GPR39: variants seen among roughly 807,000 people sequenced by gnomAD.
GPR39 encodes G protein-coupled receptor 39.
Under a neutral mutation model 18.4 loss-of-function variants are expected in GPR39, and 23 were observed. The observed-to-expected ratio is 1.25, with a 90% CI of 0.90 to 1.77. The LOEUF (loss-of-function observed/expected upper bound fraction) is 1.77, where lower values mean the gene tolerates loss of function less well. Among genes scored for constraint, GPR39 ranks in the 40% most tolerant of loss-of-function variants. The pLI, the probability that GPR39 is intolerant of heterozygous loss-of-function variation, is 0.00. For missense variants in GPR39, 647 were observed against 602.4 expected (o/e 1.07, Z -0.78); for synonymous variants, 280 against 257.9 (o/e 1.09, Z -0.82).
intron 1 of GPR39, among the ~76,000 whole-genome samples, chr2:132,612,914 T>C (rs1681260849): frequency 6.6e-6 from 1 of 152,230 alleles, no homozygotes; most frequent in South Asian, 2.1e-4. Context: ...GTTTGTAACC[T>C]CGAGTTTCCT....
At chr2:132,570,668 C>G (rs1300483078) in intron 1 of GPR39, among the ~76,000 whole-genome samples, 1 of 152,208 alleles carries the variant, frequency 6.6e-6, no homozygotes, top group Admixed American at 6.5e-5. Context: ...AGATCCGCTG[C>G]CCCTCCACTC....
intron 1 of GPR39, among the ~76,000 whole-genome samples, chr2:132,613,117 T>G (rs992341082): frequency 1.3e-5 from 2 of 152,248 alleles, no homozygotes; most frequent in Admixed American, 1.3e-4. Context: ...TAAATTCACA[T>G]TAATTTCAAC....
rs373240358 is a variant in GPR39, at chr2:132,646,473, A to G, written c.*867A>G. On this transcript the variant is annotated 3_prime_UTR_variant, in exon 2 of 2. Transcript: ENST00000329321. ...TGGTGAAAGAGACAGGCACTATTTC[A>G]TTAGTTTTAACAAAACTGTTCCAAA... The G allele has an allele frequency of 4.2e-5, 17 of 406,388 alleles. No homozygotes were observed. Among genetic ancestry groups the G allele is most frequent in the African/African-American group, 3.3e-4 (16 of 48,758 alleles). 25.2% of individuals were successfully genotyped at this position (406,388 alleles called of 1,614,324 possible).
At chr2:132,550,433 G>A (rs564439857) in intron 1 of GPR39, among the ~76,000 whole-genome samples, 92 of 152,302 alleles carry the variant, frequency 6.0e-4, no homozygotes, top group African/African-American at 2.1e-3. Flanking sequence ...TGTTGCATCT[G>A]TGGTTTCCAT....
chr2:132,473,706 C>T (rs1428778883), intron 1 of GPR39, among the ~76,000 whole-genome samples: 1 of 152,182 alleles, frequency 6.6e-6, no homozygotes, highest in Admixed American at 6.5e-5. Context: ...TTATGGCCAT[C>T]TGCTATGCTC....
intron 1 of GPR39, among the ~76,000 whole-genome samples, chr2:132,570,914 G>A (rs751024923): frequency 3.9e-5 from 6 of 152,132 alleles, no homozygotes; most frequent in East Asian, 1.9e-4. Flanking sequence ...GCCTTGAAAG[G>A]GTGGGGCCTA....
At position 132,577,351 on chromosome 2, in the gene GPR39, A is replaced by C. The variant is rs184645508; in HGVS notation, c.857-67750A>C. Reference sequence around the variant, plus strand: ...CAGCCTGGGCCCTGTCTCAGAAAAAAAAAAATTATTCTTGATATTCTAGTT... The same window carrying C: ...CAGCCTGGGCCCTGTCTCAGAAAAACAAAAATTATTCTTGATATTCTAGTT... On this transcript the variant is annotated intron_variant, in intron 1 of 1. Transcript: ENST00000329321. 6.8e-3 allele frequency among the ~76,000 whole-genome samples: 1,031 copies of C among 152,256 alleles called. 11 individuals are homozygous for C. Among genetic ancestry groups the C allele is most frequent in the African/African-American group, 0.023 (972 of 41,520 alleles).
intron 1 of GPR39, among the ~76,000 whole-genome samples, chr2:132,601,876 GA>G (rs973713336): frequency 7.9e-5 from 12 of 151,960 alleles, no homozygotes; most frequent in African/African-American, 2.7e-4. Context: ...TATCTGCAAT[GA>G]AAACTACAAA....
At chr2:132,605,906 C>T (rs1681128662) in intron 1 of GPR39, among the ~76,000 whole-genome samples, 2 of 152,206 alleles carry the variant, frequency 1.3e-5, no homozygotes, top group South Asian at 4.1e-4. Flanking sequence ...CAAACGTATT[C>T]ATGGGCTTGG....
At chr2:132,560,726 A>G (rs189929192) in intron 1 of GPR39, among the ~76,000 whole-genome samples, 28 of 152,186 alleles carry the variant, frequency 1.8e-4, no homozygotes, top group Admixed American at 5.9e-4. Context: ...AGTCCTCACC[A>G]GGTAACATTT....
intron 1 of GPR39, among the ~76,000 whole-genome samples, chr2:132,493,012 T>A (rs911318918): frequency 7.2e-6 from 1 of 139,494 alleles, no homozygotes; most frequent in East Asian, 2.1e-4. Context: ...ATATATACAC[T>A]ATATATACTA....
rs752153900 is a variant in GPR39 at position 132,646,297 on chromosome 2, AAGGAGCTGAG to A, written c.*692_*701del. Reference sequence around the variant, plus strand: ...ACATGATCCCTGTAACACAGACCCAAAGGAGCTGAGTTAACGTGCACCGGCAAAAGAATAG... The same window carrying A: ...ACATGATCCCTGTAACACAGACCCAATTAACGTGCACCGGCAAAAGAATAG... On this transcript the variant is annotated 3_prime_UTR_variant, in exon 2 of 2. Transcript: ENST00000329321. 1.4e-5 allele frequency: 20 copies of A among 1,436,914 alleles called. No individual in the cohort carries two copies. The African/African-American group carries it at 2.2e-4, about 16-fold the overall frequency. The allele number at this position is 1,436,914 out of a possible 1,614,324, so 89.0% of individuals were successfully genotyped here.
intron 1 of GPR39, among the ~76,000 whole-genome samples, chr2:132,562,973 A>G (rs1479158671): frequency 1.3e-5 from 2 of 152,224 alleles, no homozygotes; most frequent in African/African-American, 4.8e-5. Flanking sequence ...TCCCTAAAAA[A>G]GCGGCATTAT....
chr2:132,590,978 G>A (rs1009038196), intron 1 of GPR39, among the ~76,000 whole-genome samples: 9 of 152,080 alleles, frequency 5.9e-5, no homozygotes, highest in Non-Finnish European at 8.8e-5. Flanking sequence ...CAGGCCGGGC[G>A]CGGTGGCTCA....
In GPR39 at chr2:132,610,449, G is replaced by A. The variant is rs550424881; in HGVS notation, c.857-34652G>A. Among the ~76,000 whole-genome samples the A allele has an allele frequency of 7.2e-5, 11 of 152,252 alleles. No homozygotes were observed. The South Asian group carries it at 2.3e-3, about 32-fold the overall frequency. ...AACATCCAAAGTGAAATGACAGATT[G>A]GCAGGTGGCTTCCTTAAGTGATGAT... On this transcript the variant is annotated intron_variant, in intron 1 of 1. Transcript: ENST00000329321.
At chr2:132,595,139 C>A (rs545605232) in intron 1 of GPR39, among the ~76,000 whole-genome samples, 1 of 152,164 alleles carries the variant, frequency 6.6e-6, no homozygotes, top group African/African-American at 2.4e-5. Context: ...GCTGGACTTA[C>A]CGGCGTACGC....
chr2:132,516,506 A>G (rs1029930448), intron 1 of GPR39, among the ~76,000 whole-genome samples: 11 of 152,286 alleles, frequency 7.2e-5, no homozygotes, highest in African/African-American at 2.6e-4. Flanking sequence ...GACATTTCCT[A>G]TTCTTAATAT....
chr2:132,507,488 A>C (rs973589446), intron 1 of GPR39, among the ~76,000 whole-genome samples: 2 of 152,198 alleles, frequency 1.3e-5, no homozygotes, highest in African/African-American at 4.8e-5. Flanking sequence ...TACTTACTAA[A>C]GATTGAAAAG....
At chr2:132,448,148 C>CT (rs1297427595) in intron 1 of GPR39, among the ~76,000 whole-genome samples, 1 of 152,114 alleles carries the variant, frequency 6.6e-6, no homozygotes, top group Non-Finnish European at 1.5e-5. Flanking sequence ...TTGATGAATT[C>CT]TTTTTATGAG....
Sources: allele counts gnomAD v4.1 joint callset (sites outside exome capture counted in the v4.1 genomes callset), GRCh38; gene constraint gnomAD v4.1.1; transcripts MANE v1.5; gene names NCBI Gene and HGNC (gene_info 2026-07-23, HGNC 2026-07-21).